Variants in USH2A observed in about 807,000 individuals in gnomAD.
USH2A encodes the protein Usher syndrome 2A (autosomal recessive, mild).
In USH2A, 443 loss-of-function variants were observed where a neutral mutation model predicts 538.9. The ratio of observed to expected loss-of-function variants is 0.82; its 90% CI spans 0.76 to 0.89. The LOEUF (loss-of-function observed/expected upper bound fraction) is 0.89, where lower values mean the gene tolerates loss of function less well. Ranked by LOEUF, USH2A falls within the 40% of genes least tolerant of loss-of-function variation. The probability of loss-of-function intolerance (pLI) is 0.00; values close to 1 mark genes in which losing one functional copy is unlikely to be tolerated. For synonymous variants in USH2A, 2,413 were observed against 2,273.5 expected, an observed-to-expected ratio of 1.06 and a Z score of -1.75; for missense variants, 6,633 against 6,324.8, an observed-to-expected ratio of 1.05 and a Z score of -1.65.
intron 44 of USH2A, among the ~76,000 whole-genome samples, chr1:215,852,351 ACCCG>A (rs1338803346): frequency 6.6e-6 from 1 of 151,880 alleles, no homozygotes; most frequent in Non-Finnish European, 1.5e-5. Flanking sequence ...CATGGAAAAG[ACCCG>A]CCCCCATGAT....
intron 15 of USH2A, among the ~76,000 whole-genome samples, chr1:216,212,596 G>T (rs1245524332): frequency 6.6e-6 from 1 of 151,766 alleles, no homozygotes; most frequent in Non-Finnish European, 1.5e-5. Flanking sequence ...AATATTGATT[G>T]GACTCTCTGA....
intron 11 of USH2A, among the ~76,000 whole-genome samples, chr1:216,287,785 T>C (rs2036915882): frequency 6.6e-6 from 1 of 152,182 alleles, no homozygotes; most frequent in South Asian, 2.1e-4. Context: ...AACAAAGCTC[T>C]TGACCTTAGA....
At chr1:215,734,997 T>C (rs1279368308) in intron 60 of USH2A, among the ~76,000 whole-genome samples, 1 of 152,226 alleles carries the variant, frequency 6.6e-6, no homozygotes, top group Non-Finnish European at 1.5e-5. Context: ...CATTTTCAGG[T>C]ATCTTCATAG....
At chr1:215,916,329 CAT>C (rs557577389) in intron 38 of USH2A, among the ~76,000 whole-genome samples, 53 of 113,572 alleles carry the variant, frequency 4.7e-4, no homozygotes, top group African/African-American at 1.5e-3. Context: ...AGGAAAGAAA[CAT>C]GTGCAAAAAT....
intron 3 of USH2A, among the ~76,000 whole-genome samples, chr1:216,396,361 AT>A (rs1271596366): frequency 2.0e-5 from 3 of 152,146 alleles, no homozygotes; most frequent in Non-Finnish European, 4.4e-5. Flanking sequence ...GTACTTAGAA[AT>A]ATATATTTTC....
intron 44 of USH2A, among the ~76,000 whole-genome samples, chr1:215,861,362 G>A (rs1484969796): frequency 6.6e-6 from 1 of 152,212 alleles, no homozygotes; most frequent in Non-Finnish European, 1.5e-5. Context: ...TGGGCAAACA[G>A]GGAATGAGTT....
At chr1:215,983,772 C>A (rs539449466) in intron 35 of USH2A, among the ~76,000 whole-genome samples, 1 of 152,106 alleles carries the variant, frequency 6.6e-6, no homozygotes, top group African/African-American at 2.4e-5. Context: ...TACAAAGATG[C>A]GGACAGGGTT....
At chr1:216,350,004 T>C (rs2102689233) in intron 4 of USH2A, among the ~76,000 whole-genome samples, 1 of 152,240 alleles carries the variant, frequency 6.6e-6, no homozygotes, top group African/African-American at 2.4e-5. Context: ...AGTGCTAATA[T>C]CTGTTTGGCT....
chr1:216,360,450 A>G (rs1159452273), intron 4 of USH2A, among the ~76,000 whole-genome samples: 2 of 152,076 alleles, frequency 1.3e-5, no homozygotes, highest in African/African-American at 4.8e-5. Flanking sequence ...TAGGGAGTGA[A>G]GCTACTCTGT....
intron 27 of USH2A, among the ~76,000 whole-genome samples, chr1:216,076,727 T>C (rs2031766675): frequency 6.6e-6 from 1 of 152,174 alleles, no homozygotes; most frequent in Non-Finnish European, 1.5e-5. Flanking sequence ...ACTACTACCC[T>C]TCTAAAAGTC....
At position 215,782,142 on chromosome 1, in the gene USH2A, G is replaced by T; in HGVS notation, c.10640C>A (p.Thr3547Lys). The T allele has an allele frequency of 6.2e-7, 1 of 1,613,944 alleles. No individual in the cohort carries two copies. The highest frequency in any genetic ancestry group is 8.5e-7 in the Non-Finnish European group (1 of 1,179,874). The stretch of plus-strand genomic sequence containing the variant: ...CTCTTTATCAGAGAAGCTCAGTGAT[G>T]TTCCCCGAAAACGTTCAATTCCATT... The part of the protein sequence containing the change: ...LRNGIERFRG[T>K]SLSFSDKEGI... Residue 3547 changes from threonine to lysine, a missense_variant, in exon 54 of 72, where the codon ACA (threonine) becomes AAA (lysine). Coordinates refer to ENST00000307340, the MANE Select transcript of USH2A (RefSeq NM_206933.4).
chr1:216,359,719 T>C (rs545261292), intron 4 of USH2A, among the ~76,000 whole-genome samples: 1 of 152,204 alleles, frequency 6.6e-6, no homozygotes, highest in Admixed American at 6.6e-5. Flanking sequence ...AGAGTTGAGT[T>C]CCTGATATGT....
intron 37 of USH2A, among the ~76,000 whole-genome samples, chr1:215,937,578 T>C (rs1330647857): frequency 6.6e-6 from 1 of 152,084 alleles, no homozygotes; most frequent in Non-Finnish European, 1.5e-5. Flanking sequence ...ATGGTCAGCA[T>C]GGGGAGATCT....
chr1:215,919,378 G>T (rs1340426127), intron 38 of USH2A, among the ~76,000 whole-genome samples: 1 of 152,054 alleles, frequency 6.6e-6, no homozygotes, highest in Non-Finnish European at 1.5e-5. Flanking sequence ...TCAATCCTGT[G>T]AGATAGTGCT....
intron 21 of USH2A, among the ~76,000 whole-genome samples, chr1:216,130,834 G>T (rs1485150775): frequency 6.6e-6 from 1 of 151,556 alleles, no homozygotes; most frequent in Non-Finnish European, 1.5e-5. Flanking sequence ...ATGCCCAGGA[G>T]TGAGATTCCT....
chr1:216,028,551 C>T (rs925018282), intron 32 of USH2A, among the ~76,000 whole-genome samples: 5 of 151,820 alleles, frequency 3.3e-5, no homozygotes. Flanking sequence ...AAGGAAGACA[C>T]TATGCTGGAA....
chr1:215,948,364 AAGATAATCATTG>A (rs1226020965), intron 37 of USH2A, among the ~76,000 whole-genome samples: 1 of 151,374 alleles, frequency 6.6e-6, no homozygotes, highest in Non-Finnish European at 1.5e-5. Context: ...CTAAAATGTG[AAGATAATCATTG>A]TTATTAATAT....
chr1:215,929,699 CA>C (rs752823002), intron 38 of USH2A, among the ~76,000 whole-genome samples: 3 of 151,954 alleles, frequency 2.0e-5, no homozygotes, highest in Non-Finnish European at 4.4e-5. Flanking sequence ...TTCAATCCTC[CA>C]GTCAGGTGGG....
chr1:216,305,964 T>C (rs2037309585), intron 9 of USH2A, among the ~76,000 whole-genome samples: 1 of 152,210 alleles, frequency 6.6e-6, no homozygotes, highest in South Asian at 2.1e-4. Context: ...ATCTTGACTT[T>C]AGATAACTTG....
Sources: allele counts gnomAD v4.1 joint callset (sites outside exome capture counted in the v4.1 genomes callset), GRCh38; gene constraint gnomAD v4.1.1; transcripts MANE v1.5; gene names NCBI Gene and HGNC (gene_info 2026-07-23, HGNC 2026-07-21).